ZNF304: variants seen among roughly 807,000 people sequenced by gnomAD.
The protein encoded by ZNF304 is KRAB-containing zinc finger protein.
In ZNF304, 7 loss-of-function variants were observed where a neutral mutation model predicts 7.8. The ratio of observed to expected loss-of-function variants is 0.90; its 90% CI spans 0.51 to 1.69. ZNF304 has a LOEUF of 1.69. Among genes scored for constraint, ZNF304 ranks in the 40% most tolerant of loss-of-function variants. The probability of loss-of-function intolerance (pLI) is 0.00; values close to 1 mark genes in which losing one functional copy is unlikely to be tolerated. For synonymous variants in ZNF304, 280 were observed against 272.4 expected (o/e 1.03, Z -0.27); for missense variants, 669 against 804.8 (o/e 0.83, Z 2.04).
In ZNF304 at chr19:57,358,236, T is replaced by TCC. The variant is rs112059698; in HGVS notation, c.*398_*399dup. The TCC allele has an allele frequency of 3.7e-3, 394 of 107,920 alleles. 4 individuals are homozygous for TCC. Among genetic ancestry groups the TCC allele is most frequent in the African/African-American group, 0.01 (277 of 27,122 alleles). The allele number at this position is 107,920 out of a possible 1,614,324, so 6.7% of individuals were successfully genotyped here. A position where few individuals can be genotyped will look rare whatever the true frequency, so the allele number is the denominator to read the frequency against. On this transcript the variant is annotated 3_prime_UTR_variant, in exon 3 of 3. Transcript: ENST00000282286. ...GTAATCATGAATATTTTCAAGGACTTCCCCCCCCCCCCACTTCACCCCCTA... is the reference window on the plus strand; with the variant it reads ...GTAATCATGAATATTTTCAAGGACTTCCCCCCCCCCCCCCACTTCACCCCCTA...
chr19:57,353,675 G>A (rs1288216100), intron 1 of ZNF304, 50 bp from the exon 2 acceptor site: 2 of 1,563,506 alleles, frequency 1.3e-6, no homozygotes, highest in South Asian at 1.2e-5. Flanking sequence ...GGAGGAGGGG[G>A]TTCTGGGGAG....
rs1320345364 is a variant in ZNF304, at chr19:57,358,863, C to G, written c.*1014C>G. ...CCCAGCACTGTTGAGGGATTGCTGT[C>G]TTCTGTACCTGTACAGGATCAAGTC... On this transcript the variant is annotated 3_prime_UTR_variant, in exon 3 of 3. Coordinates refer to ENST00000282286, the MANE Select transcript of ZNF304 (RefSeq NM_020657.4). The G allele has an allele frequency of 6.6e-6, 1 of 152,224 alleles. No homozygotes were observed. Among genetic ancestry groups the G allele is most frequent in the Non-Finnish European group, 1.5e-5 (1 of 68,044 alleles). 9.4% of individuals were successfully genotyped at this position (152,224 alleles called of 1,614,324 possible).
intron 2 of ZNF304, among the ~76,000 whole-genome samples, chr19:57,354,451 T>C (rs1206765939): frequency 6.6e-6 from 1 of 152,252 alleles, no homozygotes; most frequent in African/African-American, 2.4e-5. Flanking sequence ...TGTGGCTTGT[T>C]GGACTGTGAG....
chr19:57,352,260 C>G (rs1370799981), intron 1 of ZNF304, among the ~76,000 whole-genome samples: 1 of 152,152 alleles, frequency 6.6e-6, no homozygotes, highest in African/African-American at 2.4e-5. Flanking sequence ...TCTGATGAGA[C>G]ATAGTGATGA....
At chr19:57,355,605 T>C (rs1952912761) in intron 2 of ZNF304, among the ~76,000 whole-genome samples, 1 of 152,232 alleles carries the variant, frequency 6.6e-6, no homozygotes, top group Non-Finnish European at 1.5e-5. Context: ...CGTGTTTCAA[T>C]TGCTCTCTTC....
Position 57,357,322 on chromosome 19 carries a change from A to C in ZNF304, c.1453A>C (p.Ser485Arg), listed in dbSNP as rs1011143469. The C allele has an allele frequency of 1.2e-6, 2 of 1,614,078 alleles. No individual in the cohort carries two copies. Among genetic ancestry groups the C allele is most frequent in the Non-Finnish European group, 1.7e-6 (2 of 1,180,034 alleles). The change falls in exon 3 of 3, where the codon AGC (serine) becomes CGC (arginine). Residue 485 changes from serine (S) to arginine (R), a missense_variant. Ser to Arg is a moderately radical substitution (Grantham distance 110, BLOSUM62 -1). Coordinates refer to ENST00000282286, the MANE Select transcript of ZNF304 (RefSeq NM_020657.4). ...YECSECGKAF[S>R]RKDTLVQHQK... ...GTGCAGTGAATGTGGGAAGGCCTTC[A>C]GCCGTAAAGACACACTTGTGCAACA... is the stretch of plus-strand genomic sequence containing the variant.
In ZNF304 at chr19:57,359,183, G is replaced by T. The variant is rs1170428844; in HGVS notation, c.*1334G>T. On this transcript the variant is annotated 3_prime_UTR_variant, in exon 3 of 3. Coordinates refer to ENST00000282286, the MANE Select transcript of ZNF304 (RefSeq NM_020657.4). ...TTTGTGGATTCCTGTGTCTCCCTGG[G>T]CAGTTGACCTGCACAGACAGGAACC... 1 of 152,190 alleles carries T rather than the reference G, an allele frequency of 6.6e-6. No individual in the cohort carries two copies. Among genetic ancestry groups the T allele is most frequent in the Non-Finnish European group, 1.5e-5 (1 of 68,034 alleles). The allele number at this position is 152,190 out of a possible 1,614,324, so 9.4% of individuals were successfully genotyped here.
In ZNF304 at chr19:57,356,787, C is replaced by G. The variant is rs777631484; in HGVS notation, c.918C>G (p.His306Gln). The G allele has an allele frequency of 2.8e-5, 45 of 1,614,098 alleles. No individual in the cohort carries two copies. In the East Asian group the frequency reaches 9.6e-4, roughly 34 times the overall value. The change falls in exon 3 of 3, where the codon CAC (histidine) becomes CAG (glutamine). Residue 306 changes from histidine (H) to glutamine (Q), a missense_variant. Physicochemically the swap from His to Gln is conservative, Grantham distance 24. Coordinates refer to ENST00000282286, the MANE Select transcript of ZNF304 (RefSeq NM_020657.4). ...MHQKFHTGKRHYTCSECGKAF... is the reference protein window; with the variant it reads ...MHQKFHTGKRQYTCSECGKAF... ...AGAAATTTCACACTGGAAAAAGACACTATACATGCAGTGAATGTGGGAAGG... is the reference window on the plus strand; with the variant it reads ...AGAAATTTCACACTGGAAAAAGACAGTATACATGCAGTGAATGTGGGAAGG...
rs1165379433 is a variant in ZNF304 at position 57,357,315 on chromosome 19, G to T, written c.1446G>T (p.Lys482Asn). The stretch of plus-strand genomic sequence containing the variant: ...CTTATGAGTGCAGTGAATGTGGGAA[G>T]GCCTTCAGCCGTAAAGACACACTTG... ...ARPYECSECGKAFSRKDTLVQ... is the reference protein window; with the variant it reads ...ARPYECSECGNAFSRKDTLVQ... The change falls in exon 3 of 3, where the codon AAG becomes AAT. Residue 482 changes from lysine to asparagine, a missense_variant. Lys to Asn is a moderately conservative substitution (Grantham distance 94). Coordinates refer to ENST00000282286, the MANE Select transcript of ZNF304 (RefSeq NM_020657.4). 2 of 1,611,526 alleles carry T rather than the reference G, an allele frequency of 1.2e-6. No individual in the cohort carries two copies. Among genetic ancestry groups the T allele is most frequent in the South Asian group, 1.1e-5 (1 of 90,922 alleles).
chr19:57,357,501 C>T lies in ZNF304; in HGVS notation c.1632C>T (p.Ser544=), dbSNP rs1355341206. The part of the protein sequence containing the change: ...NECGKCFSHN[S]SLILHQRVHT... ...GTGGGAAATGCTTTAGCCACAACTC[C>T]AGCCTCATTTTGCACCAGAGAGTTC... The change falls in exon 3 of 3, where the codon TCC becomes TCT. Residue 544 remains serine, a synonymous_variant. Coordinates refer to ENST00000282286, the MANE Select transcript of ZNF304 (RefSeq NM_020657.4). 6.2e-7 allele frequency: 1 copy of T among 1,613,124 alleles called. No individual in the cohort carries two copies. Among genetic ancestry groups the T allele is most frequent in the Non-Finnish European group, 8.5e-7 (1 of 1,179,552 alleles).
At chr19:57,352,711 C>T (rs1364477138) in intron 1 of ZNF304, 1 of 152,220 alleles carries the variant, frequency 6.6e-6, no homozygotes, top group Non-Finnish European at 1.5e-5. Context: ...TTGATGGTGT[C>T]TGGTCTAGAG....
chr19:57,352,047 C>T (rs1260009805), intron 1 of ZNF304: 4 of 273,546 alleles, frequency 1.5e-5, no homozygotes, highest in Non-Finnish European at 2.8e-5. Flanking sequence ...GGGAGGTCCT[C>T]TGACGCAGTT....
Position 57,356,774 on chromosome 19 carries a change from C to A in ZNF304, c.905C>A (p.Thr302Asn). The change falls in exon 3 of 3, where the codon ACT becomes AAT. Residue 302 changes from threonine (T) to asparagine (N), a missense_variant. Transcript: ENST00000282286. ...HHLKMHQKFHTGKRHYTCSEC... is the reference protein window; with the variant it reads ...HHLKMHQKFHNGKRHYTCSEC... ...CTAAAAATGCACCAGAAATTTCACA[C>A]TGGAAAAAGACACTATACATGCAGT... 1 of 1,614,186 alleles carries A rather than the reference C, an allele frequency of 6.2e-7. No individual in the cohort carries two copies. Among genetic ancestry groups the A allele is most frequent in the South Asian group, 1.1e-5 (1 of 91,090 alleles).
chr19:57,357,782 C>A lies in ZNF304; in HGVS notation c.1913C>A (p.Thr638Asn), dbSNP rs1240457809. 6.2e-7 allele frequency: 1 copy of A among 1,614,026 alleles called. No homozygotes were observed. ...SHLVRHQKAH[T>N]GERAHECNSF... Reference sequence around the variant, plus strand: ...CTTGTTCGTCACCAGAAAGCTCACACTGGAGAAAGAGCTCACGAGTGCAAC... The same window carrying A: ...CTTGTTCGTCACCAGAAAGCTCACAATGGAGAAAGAGCTCACGAGTGCAAC... The change falls in exon 3 of 3, where the codon ACT (threonine) becomes AAT (asparagine). Residue 638 changes from threonine to asparagine, a missense_variant. Thr to Asn is a moderately conservative substitution (Grantham distance 65). Coordinates refer to ENST00000282286, the MANE Select transcript of ZNF304 (RefSeq NM_020657.4).
chr19:57,355,005 A>G (rs1021399512), intron 2 of ZNF304, among the ~76,000 whole-genome samples: 5 of 152,094 alleles, frequency 3.3e-5, no homozygotes, highest in African/African-American at 1.2e-4. Flanking sequence ...TGCTAAGCAG[A>G]TTCTACACAG....
Position 57,358,750 on chromosome 19 carries a change from G to C in ZNF304, c.*901G>C, listed in dbSNP as rs1229467653. 1.3e-5 allele frequency: 2 copies of C among 152,184 alleles called. No homozygotes were observed. The highest frequency in any genetic ancestry group is 2.9e-5 in the Non-Finnish European group (2 of 68,042). The allele number at this position is 152,184 out of a possible 1,614,324, so 9.4% of individuals were successfully genotyped here. Reference sequence around the variant, plus strand: ...TGGCCTGGCTGCCAGGATTTCCTGTGAGCCCAGTGAGGAGGGCATAGTTGG... The same window carrying C: ...TGGCCTGGCTGCCAGGATTTCCTGTCAGCCCAGTGAGGAGGGCATAGTTGG... On this transcript the variant is annotated 3_prime_UTR_variant, in exon 3 of 3. Coordinates refer to ENST00000282286, the MANE Select transcript of ZNF304 (RefSeq NM_020657.4).
rs1315295322 is a variant in ZNF304, at chr19:57,358,867, T to A, written c.*1018T>A. ...GCACTGTTGAGGGATTGCTGTCTTC[T>A]GTACCTGTACAGGATCAAGTCCCTG... On this transcript the variant is annotated 3_prime_UTR_variant, in exon 3 of 3. Coordinates refer to ENST00000282286, the MANE Select transcript of ZNF304 (RefSeq NM_020657.4). 1 of 152,250 alleles carries A rather than the reference T, an allele frequency of 6.6e-6. No homozygotes were observed. Among genetic ancestry groups the A allele is most frequent in the Non-Finnish European group, 1.5e-5 (1 of 68,056 alleles). 9.4% of individuals were successfully genotyped at this position (152,250 alleles called of 1,614,324 possible).
At chr19:57,353,897 C>T (rs2088305408) in intron 2 of ZNF304, 46 bp downstream of exon 2, 2 of 1,411,474 alleles carry the variant, frequency 1.4e-6, no homozygotes, top group African/African-American at 2.9e-5. Context: ...CAAATTATCC[C>T]AAAGCTTAGT....
rs574910375 is a variant in ZNF304 at position 57,359,108 on chromosome 19, A to G, written c.*1259A>G. On this transcript the variant is annotated 3_prime_UTR_variant, in exon 3 of 3. Transcript: ENST00000282286. ...ATAGAAATTCTCAGGACCTTCAGAC[A>G]TCTGTATCTCCTGTGGCCAAGGCCA... 6.6e-6 allele frequency: 1 copy of G among 152,392 alleles called. No homozygotes were observed. The highest frequency in any genetic ancestry group is 6.5e-5 in the Admixed American group (1 of 15,304). 9.4% of individuals were successfully genotyped at this position (152,392 alleles called of 1,614,324 possible).
Sources: allele counts gnomAD v4.1 joint callset (sites outside exome capture counted in the v4.1 genomes callset), GRCh38; gene constraint gnomAD v4.1.1; transcripts MANE v1.5; gene names NCBI Gene and HGNC (gene_info 2026-07-23, HGNC 2026-07-21).